Variants in GGT7 observed in about 807,000 individuals in gnomAD.
GGT7 encodes gamma-glutamyltransferase 7, also known as glutathione hydrolase 7.
GGT7 carries 30 observed loss-of-function variants against 69.2 expected under a neutral mutation model. The ratio of observed to expected loss-of-function variants is 0.43; its 90% CI spans 0.32 to 0.59. The LOEUF (loss-of-function observed/expected upper bound fraction) is 0.59. Ranked by LOEUF, GGT7 falls within the 20% of genes least tolerant of loss-of-function variation. The pLI is 0.05. For synonymous variants in GGT7, 388 were observed against 391.8 expected (o/e 0.99, Z 0.12); for missense variants, 733 against 901.1 (o/e 0.81, Z 2.39).
chr20:34,859,102 G>A (rs1486265313), intron 7 of GGT7, among the ~76,000 whole-genome samples: 21 of 151,802 alleles, frequency 1.4e-4, no homozygotes, highest in African/African-American at 4.8e-4. Context: ...CCTGGGAGGC[G>A]GAGGTTGCAG....
intron 1 of GGT7, among the ~76,000 whole-genome samples, chr20:34,864,651 G>A (rs1449157156): frequency 6.6e-6 from 1 of 151,238 alleles, no homozygotes; most frequent in Non-Finnish European, 1.5e-5. Context: ...AACCCACAAG[G>A]TGGAGGTTGC....
chr20:34,851,476 A>T, intron 12 of GGT7, 108 bp from the exon 13 acceptor site: 1 of 1,145,860 alleles, frequency 8.7e-7, no homozygotes. Flanking sequence ...CATCTTCCAC[A>T]GGCCCAGTTT....
In GGT7 at chr20:34,863,136, T is replaced by C. The variant is rs2079626796; in HGVS notation, c.406-171A>G. Among the ~76,000 whole-genome samples, 1 of 152,156 alleles carries C rather than the reference T, an allele frequency of 6.6e-6. No homozygotes were observed. The highest frequency in any genetic ancestry group is 2.4e-5 in the African/African-American group (1 of 41,430). On this transcript the variant is annotated intron_variant, in intron 2 of 14. Coordinates refer to ENST00000336431, the MANE Select transcript of GGT7 (RefSeq NM_178026.3). The surrounding 1 kb of genome is among the most constrained non-coding windows in gnomAD (Gnocchi z 4.4). ...CCTCCTAATGGATCTGTCCTTATTCTTCCTTGTTCTGTCTCCCTCATGCCC... is the reference window on the plus strand; with the variant it reads ...CCTCCTAATGGATCTGTCCTTATTCCTCCTTGTTCTGTCTCCCTCATGCCC...
Position 34,863,409 on chromosome 20 carries a change from G to A in GGT7, c.309C>T (p.Arg103=), listed in dbSNP as rs147410978. ...FSAAAAECSC[R]QDGLTVIVTA... Reference sequence around the variant, plus strand: ...TGACGATGACCGTGAGCCCATCCTGGCGGCAGGAGCACTCGGCCGCTGCGG... The same window carrying A: ...TGACGATGACCGTGAGCCCATCCTGACGGCAGGAGCACTCGGCCGCTGCGG... Residue 103 remains arginine, a synonymous_variant, in exon 2 of 15, where the codon CGC becomes CGT. Coordinates refer to ENST00000336431, the MANE Select transcript of GGT7 (RefSeq NM_178026.3). This position sits in a 1 kb window ranked among gnomAD's most constrained non-coding sequence, Gnocchi z 4.4. The A allele has an allele frequency of 6.3e-4, 1,009 of 1,613,904 alleles. 1 individual carries two copies. Among genetic ancestry groups the A allele is most frequent in the Non-Finnish European group, 8.2e-4 (969 of 1,180,024 alleles).
chr20:34,852,336 C>G lies in GGT7; in HGVS notation c.1469+53G>C, dbSNP rs201177862. 5.4e-3 allele frequency: 8,675 copies of G among 1,611,372 alleles called. 27 individuals are homozygous for G. Among genetic ancestry groups the G allele is most frequent in the Non-Finnish European group, 6.4e-3 (7,565 of 1,177,508 alleles). On this transcript the variant is annotated intron_variant, in intron 11 of 14. Coordinates refer to ENST00000336431, the MANE Select transcript of GGT7 (RefSeq NM_178026.3). ...CCTCACCTCTACCCAGCCCCCACCC[C>G]CTCTTGGTTCAGAGGATCCCTTGTT...
chr20:34,857,474 G>T (rs150880307), intron 7 of GGT7, among the ~76,000 whole-genome samples: 1 of 152,056 alleles, frequency 6.6e-6, no homozygotes, highest in African/African-American at 2.4e-5. Context: ...AACCAATCTT[G>T]TACAAACCAA....
intron 13 of GGT7, chr20:34,850,296 C>T: frequency 1.4e-6 from 1 of 702,588 alleles, no homozygotes; most frequent in Non-Finnish European, 2.6e-6. Flanking sequence ...TTAGAGGAAG[C>T]CAGGGAAGAT....
chr20:34,849,917 C>A, intron 14 of GGT7, 44 bp downstream of exon 14: 1 of 1,207,606 alleles, frequency 8.3e-7, no homozygotes, highest in Non-Finnish European at 1.2e-6. Flanking sequence ...CCTTTCTCTA[C>A]CTGTCCCTGT....
At chr20:34,856,971 A>G in intron 7 of GGT7, 78 bp from the exon 8 acceptor site, 1 of 862,446 alleles carries the variant, frequency 1.2e-6, no homozygotes, top group Admixed American at 1.9e-5. Flanking sequence ...TTTGGATCAC[A>G]GACAGATCAG....
rs140458732 is a variant in GGT7 at position 34,850,007 on chromosome 20, G to A, written c.1779C>T (p.Arg593=). 1,399 of 1,613,770 alleles carry A rather than the reference G, an allele frequency of 8.7e-4. 16 individuals are homozygous for A. In the African/African-American group the frequency reaches 0.017, roughly 20 times the overall value. Reference sequence around the variant, plus strand: ...ACTGCAGGTCCGGGTGTAGGCGGCCGCGGGCCAGGCTGTCACTCAGGTTCC... The same window carrying A: ...ACTGCAGGTCCGGGTGTAGGCGGCCACGGGCCAGGCTGTCACTCAGGTTCC... ...LNRNLSDSLA[R]GRLHPDLQSN... is the part of the protein sequence containing the mutation. Residue 593 remains arginine (R), a synonymous_variant, in exon 14 of 15, where the codon CGC becomes CGT. Coordinates refer to ENST00000336431, the MANE Select transcript of GGT7 (RefSeq NM_178026.3).
Position 34,856,959 on chromosome 20 carries a change from C to T in GGT7, c.1015-66G>A, listed in dbSNP as rs532011068. Reference sequence around the variant, plus strand: ...GACATGGTGGTTTTGGCCTATAACACGTTTGGATCACAGACAGATCAGCTG... The same window carrying T: ...GACATGGTGGTTTTGGCCTATAACATGTTTGGATCACAGACAGATCAGCTG... On this transcript the variant is annotated intron_variant, in intron 7 of 14. Transcript: ENST00000336431. 124 of 971,600 alleles carry T rather than the reference C, an allele frequency of 1.3e-4. No homozygotes were observed. In the South Asian group the frequency reaches 1.5e-3, roughly 12 times the overall value. The allele number at this position is 971,600 out of a possible 1,614,324, so 60.2% of individuals were successfully genotyped here. A position where few individuals can be genotyped will look rare whatever the true frequency, so the allele number is the denominator to read the frequency against.
chr20:34,850,271 G>T, intron 13 of GGT7: 2 of 748,212 alleles, frequency 2.7e-6, no homozygotes, highest in South Asian at 2.8e-5. Flanking sequence ...CAAGGAAAAT[G>T]ACTTACTCCA....
chr20:34,869,855 T>C (rs999527656), intron 1 of GGT7, among the ~76,000 whole-genome samples: 3 of 152,156 alleles, frequency 2.0e-5, no homozygotes, highest in African/African-American at 7.2e-5. Context: ...ATGAGGCACT[T>C]GCAGGACATC....
Position 34,848,338 on chromosome 20 carries a change from C to T in GGT7, c.1825+1623G>A, listed in dbSNP as rs78569115. 1.3e-3 allele frequency among the ~76,000 whole-genome samples: 200 copies of T among 152,260 alleles called. 6 individuals are homozygous for T. In the East Asian group the frequency reaches 0.021, roughly 16 times the overall value. ...TCCACATACCAAATTCCTACTCATACTTCAAAGCCAAGCTACTTGTCACCT... is the reference window on the plus strand; with the variant it reads ...TCCACATACCAAATTCCTACTCATATTTCAAAGCCAAGCTACTTGTCACCT... On this transcript the variant is annotated intron_variant, in intron 14 of 14. Coordinates refer to ENST00000336431, the MANE Select transcript of GGT7 (RefSeq NM_178026.3).
intron 1 of GGT7, among the ~76,000 whole-genome samples, chr20:34,866,081 G>T (rs2079685468): frequency 6.6e-6 from 1 of 152,140 alleles, no homozygotes; most frequent in East Asian, 1.9e-4. Context: ...GCTCCTTGTG[G>T]TGTTTAAAGA....
rs141372100 is a variant in GGT7 at position 34,859,592 on chromosome 20, G to A, written c.865C>T (p.Arg289Trp). Residue 289 changes from arginine to tryptophan, a missense_variant, in exon 7 of 15, where the codon CGG becomes TGG. Coordinates refer to ENST00000336431, the MANE Select transcript of GGT7 (RefSeq NM_178026.3). ...QLPPNMSERF[R>W]ETFLPSGRPP... ...CGGCCCGATGGCAGGAACGTCTCCC[G>A]GAAGCGCTCGGACATGTTGGGTGGC... The A allele has an allele frequency of 5.4e-4, 863 of 1,601,382 alleles. No homozygotes were observed. Among genetic ancestry groups the A allele is most frequent in the Non-Finnish European group, 4.7e-4 (555 of 1,174,506 alleles).
At chr20:34,857,249 C>T (rs538114288) in intron 7 of GGT7, among the ~76,000 whole-genome samples, 59 of 152,300 alleles carry the variant, frequency 3.9e-4, no homozygotes, top group African/African-American at 1.4e-3. Flanking sequence ...ACCTGCAGTT[C>T]CTGAACTCAT....
At chr20:34,851,467 A>G (rs961830119) in intron 12 of GGT7, 99 bp from the exon 13 acceptor site, 5 of 1,230,166 alleles carry the variant, frequency 4.1e-6, no homozygotes, top group Non-Finnish European at 5.7e-6. Context: ...CCTCTTCTAC[A>G]TCTTCCACAG....
In GGT7 at chr20:34,861,555, C is replaced by T. The variant is rs1323047828; in HGVS notation, c.565G>A (p.Val189Met). ...PHSSGLGGGG[V>M]MLVHDIRRNE... The stretch of plus-strand genomic sequence containing the variant: ...CGTCGGATGTCATGTACCAGCATCA[C>T]GCCCCCACTGGGAGAGACACAGAAG... The change falls in exon 4 of 15, where the codon GTG (valine) becomes ATG (methionine). Residue 189 changes from valine (V) to methionine (M), a missense_variant. Physicochemically the swap from Val to Met is conservative, Grantham distance 21. Transcript: ENST00000336431. 7.4e-6 allele frequency: 11 copies of T among 1,479,424 alleles called. No homozygotes were observed. The highest frequency in any genetic ancestry group is 2.2e-4 in the Middle Eastern group (1 of 4,456). The allele number at this position is 1,479,424 out of a possible 1,614,324, so 91.6% of individuals were successfully genotyped here. A position where few individuals can be genotyped will look rare whatever the true frequency, so the allele number is the denominator to read the frequency against.
Sources: gnomAD v4.1 joint callset for allele counts (sites outside exome capture counted in the v4.1 genomes callset) on GRCh38, gnomAD v4.1.1 for gene constraint, Gnocchi (gnomAD v3.1) non-coding constraint, MANE v1.5 for transcripts, NCBI Gene and HGNC (gene_info 2026-07-23, HGNC 2026-07-21) for gene names.